The following CREBRF variants were observed in gnomAD, a reference collection of about 807,000 sequenced individuals.
CREBRF encodes CREB3 regulatory factor, also known as UPF0474 protein C5orf41.
A neutral mutation model predicts 66.1 loss-of-function variants in CREBRF; 5 were observed. That is an observed-to-expected ratio of 0.08 (90% CI 0.04 to 0.16). The LOEUF is 0.16. CREBRF is among the 10% of genes least tolerant of loss of function. CREBRF has a pLI of 1.00. For missense variants in CREBRF, 531 were observed against 744.9 expected, an observed-to-expected ratio of 0.71 and a Z score of 3.34; for synonymous variants, 229 against 264.4, an observed-to-expected ratio of 0.87 and a Z score of 1.30.
In CREBRF at chr5:173,133,683, A is replaced by G; in HGVS notation, c.1858A>G (p.Thr620Ala). 1 of 1,612,940 alleles carries G rather than the reference A, an allele frequency of 6.2e-7. No individual in the cohort carries two copies. The highest frequency in any genetic ancestry group is 2.2e-5 in the East Asian group (1 of 44,772). Residue 620 changes from threonine to alanine, a missense_variant, in exon 9 of 9, where the codon ACT becomes GCT. By Grantham distance (58) the Thr-to-Ala change is moderately conservative. Transcript: ENST00000296953. ...ATTTGTTAACCAAGTGTTAGAGAAG[A>G]CTGCAGAAGGGAATCCCACTGGAGG... Reference protein sequence around the residue: ...SEFVNQVLEKTAEGNPTGGLV... With the variant: ...SEFVNQVLEKAAEGNPTGGLV...
intron 1 of CREBRF, among the ~76,000 whole-genome samples, chr5:173,071,488 G>T (rs1445257566): frequency 6.6e-6 from 1 of 151,958 alleles, no homozygotes; most frequent in Non-Finnish European, 1.5e-5. Context: ...GGGATTACAG[G>T]CATGAGCCAC....
At chr5:173,076,749 C>CAA (rs1202344075) in intron 1 of CREBRF, among the ~76,000 whole-genome samples, 1,774 of 92,278 alleles carry the variant, frequency 0.019, 17 homozygotes, top group South Asian at 0.028. Context: ...CAGTCAGTCT[C>CAA]AAAAAAAAAA....
intron 7 of CREBRF, among the ~76,000 whole-genome samples, chr5:173,118,030 C>T (rs561222146): frequency 7.2e-5 from 11 of 152,246 alleles, no homozygotes; most frequent in South Asian, 4.1e-4. Flanking sequence ...TCTGCCACCA[C>T]GCCCAGCTAA....
chr5:173,112,438 C>A (rs1758893321), intron 7 of CREBRF, 59 bp downstream of exon 7: 2 of 1,196,658 alleles, frequency 1.7e-6, no homozygotes, highest in South Asian at 2.7e-5. Flanking sequence ...ACCACTCTCT[C>A]TTTTCTTTGG....
Position 173,091,178 on chromosome 5 carries a change from A to G in CREBRF, c.999A>G (p.Glu333=), listed in dbSNP as rs1343217067. The change falls in exon 4 of 9, where the codon GAA becomes GAG. Residue 333 remains glutamate, a synonymous_variant. Coordinates refer to ENST00000296953, the MANE Select transcript of CREBRF (RefSeq NM_153607.3). ...TCTCAGATTCATCCCAGAAAAAAGAAGAGCACAATTATTCTCTTTTTGTCT... is the reference window on the plus strand; with the variant it reads ...TCTCAGATTCATCCCAGAAAAAAGAGGAGCACAATTATTCTCTTTTTGTCT... ...TSVSDSSQKK[E]EHNYSLFVSD... 6.2e-7 allele frequency: 1 copy of G among 1,614,244 alleles called. No homozygotes were observed. The highest frequency in any genetic ancestry group is 1.7e-5 in the Admixed American group (1 of 60,016).
intron 4 of CREBRF, among the ~76,000 whole-genome samples, chr5:173,101,507 T>C (rs975433148): frequency 7.6e-6 from 1 of 132,030 alleles, no homozygotes; most frequent in Non-Finnish European, 1.8e-5. Flanking sequence ...AAAGTCTGTT[T>C]GTCTTTGACT....
rs777538330 is a variant in CREBRF at position 173,093,282 on chromosome 5, A to C, written c.1222+1881A>C. Among the ~76,000 whole-genome samples the C allele has an allele frequency of 3.3e-4, 50 of 152,132 alleles. 1 individual carries two copies. Among genetic ancestry groups the C allele is most frequent in the Admixed American group, 6.6e-5 (1 of 15,260 alleles). Reference sequence around the variant, plus strand: ...CAAGGCAGCAAGGACTATATTATCTACCTGACTTTTGATTGTAGTTTTGCT... The same window carrying C: ...CAAGGCAGCAAGGACTATATTATCTCCCTGACTTTTGATTGTAGTTTTGCT... On this transcript the variant is annotated intron_variant, in intron 4 of 8. Transcript: ENST00000296953.
Position 173,090,852 on chromosome 5 carries a change from G to C in CREBRF, c.673G>C (p.Val225Leu). The change falls in exon 4 of 9, where the codon GTG becomes CTG. Residue 225 changes from valine to leucine, a missense_variant. By Grantham distance (32) the Val-to-Leu change is conservative (BLOSUM62 1). This residue lies in a region of CREBRF where 309 missense variants were observed against 341.4 expected (regional missense o/e 0.90). Transcript: ENST00000296953. The surrounding 1 kb of genome is among the most constrained non-coding windows in gnomAD (Gnocchi z 4.5). ...GACCAACATGTATCATAATGAAAAGGTGAACTTTCATGTTGAATGTAAAGA... is the reference window on the plus strand; with the variant it reads ...GACCAACATGTATCATAATGAAAAGCTGAACTTTCATGTTGAATGTAAAGA... ...VKTNMYHNEK[V>L]NFHVECKDYV... The C allele has an allele frequency of 6.2e-7, 1 of 1,614,128 alleles. No homozygotes were observed. The highest frequency in any genetic ancestry group is 8.5e-7 in the Non-Finnish European group (1 of 1,180,024).
At chr5:173,110,357 A>C in intron 5 of CREBRF, 165 bp from the exon 6 acceptor site, 6 of 705,820 alleles carry the variant, frequency 8.5e-6, no homozygotes. Context: ...AGAGGAGGCC[A>C]GCCCTTCTAG....
chr5:173,057,051 T>G (rs1031173551), intron 1 of CREBRF, among the ~76,000 whole-genome samples: 1 of 134,000 alleles, frequency 7.5e-6, no homozygotes, highest in Non-Finnish European at 1.6e-5. Context: ...GGGTAGCCGC[T>G]CCCCCTTCTG....
At position 173,110,669 on chromosome 5, in the gene CREBRF, C is replaced by T; in HGVS notation, c.1565C>T (p.Ala522Val). 1 of 1,613,132 alleles carries T rather than the reference C, an allele frequency of 6.2e-7. No homozygotes were observed. Among genetic ancestry groups the T allele is most frequent in the Non-Finnish European group, 8.5e-7 (1 of 1,179,818 alleles). The stretch of plus-strand genomic sequence containing the variant: ...CCAGTCAGTGAGCTTCCCTTAACAG[C>T]CCGACCAAGGTCAAGGAAGGAAAAA... ...LTPVSELPLT[A>V]RPRSRKEKNK... The change falls in exon 6 of 9, where the codon GCC (alanine) becomes GTC (valine). Residue 522 changes from alanine to valine, a missense_variant. By Grantham distance (64) the Ala-to-Val change is moderately conservative. Around this residue, in one of 5 missense-constraint regions of CREBRF, gnomAD observed 25 missense variants for 55.3 expected, o/e 0.45. Transcript: ENST00000296953.
At chr5:173,124,247 T>C (rs1032758893) in intron 8 of CREBRF, 11 of 152,194 alleles carry the variant, frequency 7.2e-5, no homozygotes, top group African/African-American at 2.7e-4. Flanking sequence ...TCTTTTGGCA[T>C]AAAGTGTTGC....
intron 8 of CREBRF, among the ~76,000 whole-genome samples, chr5:173,128,306 G>T (rs1759319541): frequency 6.6e-6 from 1 of 152,076 alleles, no homozygotes; most frequent in Non-Finnish European, 1.5e-5. Flanking sequence ...CTGACCTCCA[G>T]TTTTTTGTGG....
chr5:173,121,751 T>C (rs968778122), intron 7 of CREBRF, among the ~76,000 whole-genome samples: 2 of 152,252 alleles, frequency 1.3e-5, no homozygotes, highest in Admixed American at 6.5e-5. Flanking sequence ...TGTGATTCGA[T>C]ATAGCAGGCA....
rs1440780785 is a variant in CREBRF at position 173,091,118 on chromosome 5, A to C, written c.939A>C (p.Ala313=). 1 of 1,614,244 alleles carries C rather than the reference A, an allele frequency of 6.2e-7. No homozygotes were observed. The highest frequency in any genetic ancestry group is 1.1e-5 in the South Asian group (1 of 91,090). ...LPQEGPGSLA[A]GESSSLSAST... ...AGGAAGGTCCTGGGTCACTTGCAGC[A>C]GGAGAGAGCAGCAGTCTTTCTGCCA... Residue 313 remains alanine (A), a synonymous_variant, in exon 4 of 9, where the codon GCA becomes GCC. Coordinates refer to ENST00000296953, the MANE Select transcript of CREBRF (RefSeq NM_153607.3).
intron 8 of CREBRF, among the ~76,000 whole-genome samples, chr5:173,128,954 G>T (rs1007565560): frequency 6.6e-6 from 1 of 151,348 alleles, no homozygotes; most frequent in Admixed American, 6.6e-5. Context: ...CGAATTTTTT[G>T]TATTTTTAGT....
intron 7 of CREBRF, among the ~76,000 whole-genome samples, chr5:173,118,126 G>A (rs532466899): frequency 6.6e-6 from 1 of 151,946 alleles, no homozygotes; most frequent in African/African-American, 2.4e-5. Context: ...CGCCTGCCTC[G>A]GCCTCCCAAA....
chr5:173,078,040 T>C (rs989068821), intron 1 of CREBRF, among the ~76,000 whole-genome samples: 15 of 152,220 alleles, frequency 9.9e-5, no homozygotes, highest in Non-Finnish European at 1.5e-4. Context: ...TGTAGACATA[T>C]CTGTTTGAGG....
intron 1 of CREBRF, among the ~76,000 whole-genome samples, chr5:173,080,007 T>C (rs1168423154): frequency 1.3e-5 from 2 of 152,226 alleles, no homozygotes; most frequent in African/African-American, 4.8e-5. Context: ...GTTAAAAACT[T>C]GCTGGAATGA....
Sources: allele counts gnomAD v4.1 joint callset (sites outside exome capture counted in the v4.1 genomes callset), GRCh38; gene constraint gnomAD v4.1.1; regional missense constraint gnomAD v4.1.1; non-coding constraint Gnocchi (gnomAD v3.1); transcripts MANE v1.5; gene names NCBI Gene and HGNC (gene_info 2026-07-23, HGNC 2026-07-21).